Variants in DHRS3 observed in about 807,000 individuals in gnomAD.
DHRS3 encodes dehydrogenase/reductase 3.
In DHRS3, 14 loss-of-function variants were observed where a neutral mutation model predicts 27.2. The observed-to-expected ratio is 0.52, with a 90% confidence interval of 0.34 to 0.81. The LOEUF is 0.81. Among genes scored for constraint, DHRS3 ranks in the 30% least tolerant of loss-of-function variants. DHRS3 has a pLI of 0.01. For missense variants in DHRS3, 322 were observed against 406.2 expected, an observed-to-expected ratio of 0.79 and a Z score of 1.78; for synonymous variants, 165 against 175.9, an observed-to-expected ratio of 0.94 and a Z score of 0.49.
intron 1 of DHRS3, among the ~76,000 whole-genome samples, chr1:12,613,766 T>TTTTG (rs146636492): frequency 0.017 from 2,562 of 152,136 alleles, 31 homozygotes; most frequent in South Asian, 0.047. Flanking sequence ...AATTGAGTTT[T>TTTTG]TTTGTTTGTT....
intron 4 of DHRS3, among the ~76,000 whole-genome samples, 181 bp from the exon 5 acceptor site, chr1:12,573,034 C>T (rs1646553336): frequency 2.0e-5 from 3 of 152,204 alleles, no homozygotes; most frequent in Admixed American, 2.0e-4. Context: ...CTCACTCCTC[C>T]AGGCACACAG....
At chr1:12,587,169 G>T (rs1263697366) in intron 1 of DHRS3, among the ~76,000 whole-genome samples, 3 of 140,484 alleles carry the variant, frequency 2.1e-5, no homozygotes, top group African/African-American at 8.2e-5. Flanking sequence ...TTGAGACAGA[G>T]TCTCACTCTG....
intron 1 of DHRS3, among the ~76,000 whole-genome samples, chr1:12,582,091 T>C (rs1329970631): frequency 6.6e-6 from 1 of 152,184 alleles, no homozygotes; most frequent in East Asian, 1.9e-4. Context: ...GGGTTACAGA[T>C]GGCGGCTCCA....
chr1:12,590,131 CG>C (rs544693702), intron 1 of DHRS3, among the ~76,000 whole-genome samples: 1 of 151,646 alleles, frequency 6.6e-6, no homozygotes, highest in Admixed American at 6.6e-5. Flanking sequence ...GAGCAAGCTG[CG>C]GGGGGATTTC....
chr1:12,610,961 G>A (rs1646905743), intron 1 of DHRS3, among the ~76,000 whole-genome samples: 1 of 152,126 alleles, frequency 6.6e-6, no homozygotes, highest in Non-Finnish European at 1.5e-5. Context: ...GATATCGCTG[G>A]TAGTGGCAGG....
In DHRS3 at chr1:12,595,331, C is replaced by A. The variant is rs912942205; in HGVS notation, c.196-14665G>T. 3.9e-5 allele frequency among the ~76,000 whole-genome samples: 6 copies of A among 152,114 alleles called. No individual in the cohort carries two copies. The East Asian group carries it at 9.7e-4, about 25-fold the overall frequency. Reference sequence around the variant, plus strand: ...TGGCGTGAGGGGGTGGCAGGAGGAGCCGCCAAGCCTCAGCGGGTCGGGCAG... The same window carrying A: ...TGGCGTGAGGGGGTGGCAGGAGGAGACGCCAAGCCTCAGCGGGTCGGGCAG... On this transcript the variant is annotated intron_variant, in intron 1 of 5. Coordinates refer to ENST00000616661, the MANE Select transcript of DHRS3 (RefSeq NM_004753.7).
intron 4 of DHRS3, among the ~76,000 whole-genome samples, chr1:12,576,550 A>G (rs1453796895): frequency 6.7e-6 from 1 of 150,252 alleles, no homozygotes; most frequent in African/African-American, 2.4e-5. Context: ...CGACAGAGCA[A>G]GATTCCGTCT....
intron 1 of DHRS3, among the ~76,000 whole-genome samples, chr1:12,600,839 G>A (rs115678490): frequency 3.3e-5 from 5 of 152,188 alleles, no homozygotes; most frequent in African/African-American, 9.7e-5. Flanking sequence ...GTCTAGAAAA[G>A]TTTCCAAAGT....
chr1:12,572,242 A>G (rs1646544170), intron 5 of DHRS3, among the ~76,000 whole-genome samples: 2 of 152,134 alleles, frequency 1.3e-5, no homozygotes, highest in South Asian at 2.1e-4. Flanking sequence ...ATCTCGGCTC[A>G]CTGCAAGCTC....
chr1:12,571,260 G>A (rs1646533908), intron 5 of DHRS3, among the ~76,000 whole-genome samples: 1 of 152,198 alleles, frequency 6.6e-6, no homozygotes, highest in African/African-American at 2.4e-5. Flanking sequence ...TAGGGGAATA[G>A]GATGCCAGGC....
intron 1 of DHRS3, among the ~76,000 whole-genome samples, 160 bp from the exon 2 acceptor site, chr1:12,580,826 A>G (rs1227238562): frequency 6.6e-6 from 1 of 152,104 alleles, no homozygotes; most frequent in African/African-American, 2.4e-5. Context: ...TAATAATATA[A>G]CTTTTGTTTT....
chr1:12,609,322 G>T (rs1646891506), intron 1 of DHRS3, among the ~76,000 whole-genome samples: 1 of 151,982 alleles, frequency 6.6e-6, no homozygotes, highest in Non-Finnish European at 1.5e-5. Flanking sequence ...CCCTGAAGCT[G>T]GTTGTCACTT....
At chr1:12,605,056 C>T (rs767767188) in intron 1 of DHRS3, among the ~76,000 whole-genome samples, 6 of 130,132 alleles carry the variant, frequency 4.6e-5, no homozygotes, top group South Asian at 2.6e-4. Context: ...CTCCAGCCTG[C>T]GCGACTGGCA....
At chr1:12,588,620 A>G (rs968289262) in intron 1 of DHRS3, among the ~76,000 whole-genome samples, 1 of 152,208 alleles carries the variant, frequency 6.6e-6, no homozygotes, top group Admixed American at 6.5e-5. Flanking sequence ...AGCATGGGCC[A>G]GGCACAAGAG....
At chr1:12,595,962 C>A (rs1557526470) in intron 1 of DHRS3, 1 of 152,170 alleles carries the variant, frequency 6.6e-6, no homozygotes. Context: ...AAACAGACGC[C>A]GTGATGTCAC....
At position 12,598,272 on chromosome 1, in the gene DHRS3, C is replaced by T. The variant is rs74055580; in HGVS notation, c.196-17606G>A. Among the ~76,000 whole-genome samples, 223 of 152,134 alleles carry T rather than the reference C, an allele frequency of 1.5e-3. 1 individual carries two copies. The highest frequency in any genetic ancestry group is 4.8e-3 in the African/African-American group (201 of 41,488). ...GCATGGTGGTGCGCGCCTGTAGTCC[C>T]GGCCACTGGGGAGGATCACGTGAGC... is the stretch of plus-strand genomic sequence containing the variant. On this transcript the variant is annotated intron_variant, in intron 1 of 5. Coordinates refer to ENST00000616661, the MANE Select transcript of DHRS3 (RefSeq NM_004753.7).
chr1:12,616,828 CGGGGGAGGGGGG>C, intron 1 of DHRS3: 2 of 373,402 alleles, frequency 5.4e-6, no homozygotes, highest in Non-Finnish European at 8.0e-6. Flanking sequence ...GGGGGGAAGG[CGGGGGAGGGGGG>C]CACAACACCT....
chr1:12,616,437 G>C (rs1466310265), intron 1 of DHRS3: 3 of 539,080 alleles, frequency 5.6e-6, no homozygotes, highest in Non-Finnish European at 7.1e-6. Context: ...GTGTTTGGTG[G>C]GCAGGACCCT....
In DHRS3 at chr1:12,575,129, C is replaced by A. The variant is rs561908227; in HGVS notation, c.699-2276G>T. 2.6e-5 allele frequency among the ~76,000 whole-genome samples: 4 copies of A among 152,120 alleles called. No individual in the cohort carries two copies. The South Asian group carries it at 8.3e-4, about 32-fold the overall frequency. On this transcript the variant is annotated intron_variant, in intron 4 of 5. Coordinates refer to ENST00000616661, the MANE Select transcript of DHRS3 (RefSeq NM_004753.7). ...ATCACTTGAGGCCAGGAGTTCAAGA[C>A]CAGCCTGGGCAACACGGCGAAACAC...
Sources: allele counts gnomAD v4.1 joint callset (sites outside exome capture counted in the v4.1 genomes callset), GRCh38; gene constraint gnomAD v4.1.1; transcripts MANE v1.5; gene names NCBI Gene and HGNC (gene_info 2026-07-23, HGNC 2026-07-21).